GTPBP1: variants seen among roughly 807,000 people sequenced by gnomAD.
GTPBP1 encodes GTP binding protein 1.
In GTPBP1, 23 loss-of-function variants were observed where a neutral mutation model predicts 62.0. The ratio of observed to expected loss-of-function variants is 0.37; its 90% confidence interval spans 0.27 to 0.53. The LOEUF is 0.53. GTPBP1 is among the 20% of genes least tolerant of loss of function. GTPBP1 has a pLI of 0.89. For missense variants in GTPBP1, 640 were observed against 917.3 expected, an observed-to-expected ratio of 0.70 and a Z score of 3.90; for synonymous variants, 344 against 364.4, an observed-to-expected ratio of 0.94 and a Z score of 0.64.
chr22:38,740,316 G>A (rs555329396), downstream of GTPBP1: 22 of 1,603,482 alleles, frequency 1.4e-5, no homozygotes, highest in Middle Eastern at 1.8e-4. The surrounding 1 kb of genome is among the most constrained non-coding windows in gnomAD (Gnocchi z 4.8). Flanking sequence ...CACTTCTTCC[G>A]CCACCGAGCT....
chr22:38,730,669 C>T lies in GTPBP1; in HGVS notation c.1975C>T (p.Gln659Ter). The T allele has an allele frequency of 6.2e-7, 1 of 1,604,244 alleles. No individual in the cohort carries two copies. Among genetic ancestry groups the T allele is most frequent in the Non-Finnish European group, 8.5e-7 (1 of 1,178,218 alleles). Reference sequence around the variant, plus strand: ...GGGCCAGCGCCACAAGGTGAAGTCCCAGGGGGCCTGTGTGACTCCTGCCAG... The same window carrying T: ...GGGCCAGCGCCACAAGGTGAAGTCCTAGGGGGCCTGTGTGACTCCTGCCAG... ...RGGQRHKVKS[Q>*]GACVTPASGC is the part of the protein sequence containing the mutation. Residue 659 changes from glutamine (Q) to a stop codon, truncating the protein, a stop_gained, in exon 12 of 12, where the codon CAG becomes TAG. Coordinates refer to ENST00000216044, the MANE Select transcript of GTPBP1 (RefSeq NM_004286.5). LOFTEE classifies it high-confidence loss of function. This position sits in a 1 kb window ranked among gnomAD's most constrained non-coding sequence, Gnocchi z 5.6.
At position 38,706,000 on chromosome 22, in the gene GTPBP1, G is replaced by A. The variant is rs1423500392; in HGVS notation, c.45G>A (p.Pro15=). 2.1e-6 allele frequency: 3 copies of A among 1,459,518 alleles called. No homozygotes were observed. Among genetic ancestry groups the A allele is most frequent in the East Asian group, 5.9e-5 (2 of 33,954 alleles). 90.4% of individuals were successfully genotyped at this position (1,459,518 alleles called of 1,614,324 possible). Residue 15 remains proline (P), a synonymous_variant, in exon 1 of 12, where the codon CCG becomes CCA. Transcript: ENST00000216044. ...GCTCCGCGATGGACTCGCCGGTCCC[G>A]GCCTCTATGTTCGCCCCCGAGCCCA... ...RSRSAMDSPV[P]ASMFAPEPSS...
At chr22:38,708,293 C>G (rs896099643) in intron 1 of GTPBP1, among the ~76,000 whole-genome samples, 1 of 152,196 alleles carries the variant, frequency 6.6e-6, no homozygotes, top group Admixed American at 6.5e-5. Context: ...TAATACTCCT[C>G]GTAGTGGTAA....
chr22:38,727,883 C>T lies in GTPBP1; in HGVS notation c.1538-100C>T. On this transcript the variant is annotated intron_variant, in intron 9 of 11. Transcript: ENST00000216044. This position sits in a 1 kb window ranked among gnomAD's most constrained non-coding sequence, Gnocchi z 6.5. ...GCCCCAGAGATAAGCCCCCACCCTTCCACAGCTTAAGCGTATTTCATGCTT... is the reference window on the plus strand; with the variant it reads ...GCCCCAGAGATAAGCCCCCACCCTTTCACAGCTTAAGCGTATTTCATGCTT... 1 of 781,756 alleles carries T rather than the reference C, an allele frequency of 1.3e-6. No homozygotes were observed. Among genetic ancestry groups the T allele is most frequent in the Non-Finnish European group, 2.2e-6 (1 of 463,118 alleles). The allele number at this position is 781,756 out of a possible 1,614,324, so 48.4% of individuals were successfully genotyped here. A position where few individuals can be genotyped will look rare whatever the true frequency, so the allele number is the denominator to read the frequency against.
downstream of GTPBP1, chr22:38,740,493 A>G (rs895688928): frequency 2.1e-5 from 30 of 1,402,490 alleles, no homozygotes; most frequent in Non-Finnish European, 2.6e-5. The surrounding 1 kb of genome is among the most constrained non-coding windows in gnomAD (Gnocchi z 4.8). Flanking sequence ...AGGCCACACC[A>G]AAGATGAAAG....
At position 38,728,039 on chromosome 22, in the gene GTPBP1, C is replaced by T. The variant is rs35688990; in HGVS notation, c.1594C>T (p.Leu532=). The T allele has an allele frequency of 2.0e-4, 324 of 1,613,486 alleles. No individual in the cohort carries two copies. In the African/African-American group the frequency reaches 3.9e-3, roughly 19 times the overall value. ...CATTCTGAGCATGGACAAGGACTGT[C>T]TGCGCACTGGGGACAAGGCCACTGT... ...ATILSMDKDC[L]RTGDKATVHF... Residue 532 remains leucine, a synonymous_variant, in exon 10 of 12, where the codon CTG becomes TTG. Transcript: ENST00000216044.
chr22:38,718,847 T>A (rs1368696145), intron 4 of GTPBP1, among the ~76,000 whole-genome samples: 1 of 152,230 alleles, frequency 6.6e-6, no homozygotes, highest in Non-Finnish European at 1.5e-5. Flanking sequence ...TCAGCAAATG[T>A]GTATATGTTC....
chr22:38,711,216 A>G (rs2145843253), intron 2 of GTPBP1, among the ~76,000 whole-genome samples: 1 of 152,302 alleles, frequency 6.6e-6, no homozygotes, highest in South Asian at 2.1e-4. Flanking sequence ...CCTACCTCAG[A>G]GAAATTTTGT....
Position 38,716,952 on chromosome 22 carries a change from C to T in GTPBP1, c.786C>T (p.Thr262=). ...CTGGTCATGAGAAGTACCTGAAAAC[C>T]ACTGTCTTCGGCATGACAGGCCATC... ...DLAGHEKYLK[T]TVFGMTGHLP... The change falls in exon 4 of 12, where the codon ACC becomes ACT. Residue 262 remains threonine, a synonymous_variant. Transcript: ENST00000216044. This position sits in a 1 kb window ranked among gnomAD's most constrained non-coding sequence, Gnocchi z 5.2. 1 of 1,613,822 alleles carries T rather than the reference C, an allele frequency of 6.2e-7. No homozygotes were observed. Among genetic ancestry groups the T allele is most frequent in the Non-Finnish European group, 8.5e-7 (1 of 1,179,712 alleles).
chr22:38,736,227 C>A, downstream of GTPBP1: 2 of 1,583,112 alleles, frequency 1.3e-6, no homozygotes, highest in South Asian at 1.1e-5. Context: ...TGCTGTTCAC[C>A]CACTCCCAGA....
chr22:38,716,550 G>A lies in GTPBP1; in HGVS notation c.486-102G>A, dbSNP rs1253454148. The A allele has an allele frequency of 3.5e-6, 3 of 854,180 alleles. No individual in the cohort carries two copies. Among genetic ancestry groups the A allele is most frequent in the Admixed American group, 2.2e-5 (1 of 45,664 alleles). The allele number at this position is 854,180 out of a possible 1,614,324, so 52.9% of individuals were successfully genotyped here. A position where few individuals can be genotyped will look rare whatever the true frequency, so the allele number is the denominator to read the frequency against. On this transcript the variant is annotated intron_variant, in intron 3 of 11. Transcript: ENST00000216044. This position sits in a 1 kb window ranked among gnomAD's most constrained non-coding sequence, Gnocchi z 5.2. ...GAGCTGTGAGCCGGAGGGGATCGGG[G>A]CAAGCCTGGACTTGCGGATCCAATT...
chr22:38,712,077 C>T (rs562101485), intron 2 of GTPBP1, among the ~76,000 whole-genome samples: 222 of 152,082 alleles, frequency 1.5e-3, no homozygotes, highest in African/African-American at 5.3e-3. Flanking sequence ...GACGGGGTTT[C>T]ACCATGTTGT....
At chr22:38,723,431 G>T in intron 5 of GTPBP1, 1 of 1,080,090 alleles carries the variant, frequency 9.3e-7, no homozygotes, top group Non-Finnish European at 1.4e-6. Flanking sequence ...TGCAGTGGCA[G>T]AAATGCCCCA....
chr22:38,728,021 A>G lies in GTPBP1; in HGVS notation c.1576A>G (p.Ser526Gly). 1 of 1,613,886 alleles carries G rather than the reference A, an allele frequency of 6.2e-7. No individual in the cohort carries two copies. The highest frequency in any genetic ancestry group is 8.5e-7 in the Non-Finnish European group (1 of 1,179,836). ...GSIRQTATIL[S>G]MDKDCLRTGD... ...CATCAGGCAGACAGCCACCATTCTG[A>G]GCATGGACAAGGACTGTCTGCGCAC... is the stretch of plus-strand genomic sequence containing the variant. The change falls in exon 10 of 12, where the codon AGC becomes GGC. Residue 526 changes from serine (S) to glycine (G), a missense_variant. Around this residue, in one of 4 missense-constraint regions of GTPBP1, gnomAD observed 220 missense variants for 358.1 expected, o/e 0.61. Transcript: ENST00000216044.
chr22:38,716,694 T>G lies in GTPBP1; in HGVS notation c.528T>G (p.Leu176=). The G allele has an allele frequency of 6.2e-7, 1 of 1,614,076 alleles. No individual in the cohort carries two copies. The highest frequency in any genetic ancestry group is 8.5e-7 in the Non-Finnish European group (1 of 1,179,984). ...VGNVDAGKST[L]LGVLTHGELD... ...ACGTGGATGCTGGCAAAAGCACGCT[T>G]CTGGGGGTCCTGACACATGGGGAGC... The change falls in exon 4 of 12, where the codon CTT becomes CTG. Residue 176 remains leucine, a synonymous_variant. Coordinates refer to ENST00000216044, the MANE Select transcript of GTPBP1 (RefSeq NM_004286.5). This position sits in a 1 kb window ranked among gnomAD's most constrained non-coding sequence, Gnocchi z 5.2.
At position 38,730,658 on chromosome 22, in the gene GTPBP1, A is replaced by G. The variant is rs1422521527; in HGVS notation, c.1964A>G (p.Lys655Arg). 6.2e-7 allele frequency: 1 copy of G among 1,606,034 alleles called. No homozygotes were observed. The highest frequency in any genetic ancestry group is 8.5e-7 in the Non-Finnish European group (1 of 1,179,162). ...GGRRRGGQRH[K>R]VKSQGACVTP... is the part of the protein sequence containing the mutation. ...CGGCGACGAGGGGGCCAGCGCCACA[A>G]GGTGAAGTCCCAGGGGGCCTGTGTG... Residue 655 changes from lysine (K) to arginine (R), a missense_variant, in exon 12 of 12, where the codon AAG (lysine) becomes AGG (arginine). This residue lies in a region of GTPBP1 where 117 missense variants were observed against 107.1 expected (regional missense o/e 1.09). Transcript: ENST00000216044. The surrounding 1 kb of genome is among the most constrained non-coding windows in gnomAD (Gnocchi z 5.6).
intron 2 of GTPBP1, among the ~76,000 whole-genome samples, chr22:38,713,442 G>T (rs930840333): frequency 6.6e-6 from 1 of 152,160 alleles, no homozygotes; most frequent in Non-Finnish European, 1.5e-5. Context: ...CTGTTGTGGT[G>T]GTTCAGGTAG....
intron 2 of GTPBP1, among the ~76,000 whole-genome samples, chr22:38,713,002 A>G (rs772669317): frequency 2.6e-5 from 4 of 152,150 alleles, no homozygotes; most frequent in Non-Finnish European, 4.4e-5. Flanking sequence ...ATGCTTATGT[A>G]TTGTGCGGGG....
rs908056297 is a variant in GTPBP1 at position 38,726,680 on chromosome 22, G to C, written c.1401+240G>C. Among the ~76,000 whole-genome samples, 3 of 152,206 alleles carry C rather than the reference G, an allele frequency of 2.0e-5. No individual in the cohort carries two copies. Among genetic ancestry groups the C allele is most frequent in the Admixed American group, 6.5e-5 (1 of 15,286 alleles). Reference sequence around the variant, plus strand: ...AGCTCCGTTCCTCCCTCTGGTGCCTGAGCAGGGTGGCCTGAGCTCAGTGGT... The same window carrying C: ...AGCTCCGTTCCTCCCTCTGGTGCCTCAGCAGGGTGGCCTGAGCTCAGTGGT... On this transcript the variant is annotated intron_variant, in intron 8 of 11. Coordinates refer to ENST00000216044, the MANE Select transcript of GTPBP1 (RefSeq NM_004286.5). This position sits in a 1 kb window ranked among gnomAD's most constrained non-coding sequence, Gnocchi z 4.1.
Sources: gnomAD v4.1 joint callset for allele counts (sites outside exome capture counted in the v4.1 genomes callset) on GRCh38, gnomAD v4.1.1 for gene constraint, gnomAD v4.1.1 regional missense constraint, Gnocchi (gnomAD v3.1) non-coding constraint, MANE v1.5 for transcripts, NCBI Gene and HGNC (gene_info 2026-07-23, HGNC 2026-07-21) for gene names.